Variants in ARHGAP31 observed in about 807,000 individuals in gnomAD.
ARHGAP31 encodes the protein rho GTPase-activating protein 31.
A neutral mutation model predicts 113.9 loss-of-function variants in ARHGAP31; 34 were observed. That is an observed-to-expected ratio of 0.30 (90% confidence interval 0.23 to 0.40). The LOEUF (loss-of-function observed/expected upper bound fraction) is 0.40. ARHGAP31 is among the 10% of genes least tolerant of loss of function. The pLI, the probability that ARHGAP31 is intolerant of heterozygous loss-of-function variation, is 1.00. For synonymous variants in ARHGAP31, 650 were observed against 684.8 expected (o/e 0.95, Z 0.79); for missense variants, 1,548 against 1,767.1 (o/e 0.88, Z 2.22).
chr3:119,402,353 G>C lies in ARHGAP31; in HGVS notation c.1601G>C (p.Gly534Ala), dbSNP rs779187665. The change falls in exon 10 of 12, where the codon GGC (glycine) becomes GCC (alanine). Residue 534 changes from glycine (G) to alanine (A), a missense_variant. Physicochemically the swap from Gly to Ala is moderately conservative, Grantham distance 60. Transcript: ENST00000264245. ...TCTTTTCATGGATCAGAGAGCGGAG[G>C]CTGGCCAGAAGAAGAGAAACCGCTG... ...EFSFHGSESG[G>A]WPEEEKPLGA... The C allele has an allele frequency of 5.0e-6, 8 of 1,613,656 alleles. No homozygotes were observed. Among genetic ancestry groups the C allele is most frequent in the Non-Finnish European group, 6.8e-6 (8 of 1,180,056 alleles).
At chr3:119,325,572 T>C (rs2079833297) in intron 1 of ARHGAP31, among the ~76,000 whole-genome samples, 1 of 145,854 alleles carries the variant, frequency 6.9e-6, no homozygotes, top group African/African-American at 2.6e-5. Flanking sequence ...CCAGAGCCTT[T>C]GAACCAGGGG....
chr3:119,410,390 A>T (rs767244477), intron 11 of ARHGAP31, among the ~76,000 whole-genome samples: 7 of 152,170 alleles, frequency 4.6e-5, no homozygotes, highest in Non-Finnish European at 8.8e-5. Flanking sequence ...GGAGTCCTGC[A>T]TTTGAGAGGC....
Position 119,414,324 on chromosome 3 carries a change from C to G in ARHGAP31, c.2395C>G (p.Leu799Val). The change falls in exon 12 of 12, where the codon CTT (leucine) becomes GTT (valine). Residue 799 changes from leucine to valine, a missense_variant. Coordinates refer to ENST00000264245, the MANE Select transcript of ARHGAP31 (RefSeq NM_020754.4). ...TCTGGAGGAGTCAACTCCAGTCCTG[C>G]TTTCAAAGGGCGGCCCGGAAAGAGA... ...TPLEESTPVL[L>V]SKGGPEREDS... 6.2e-7 allele frequency: 1 copy of G among 1,614,198 alleles called. No homozygotes were observed. Among genetic ancestry groups the G allele is most frequent in the Non-Finnish European group, 8.5e-7 (1 of 1,180,040 alleles).
At chr3:119,404,183 C>T (rs1047210064) in intron 10 of ARHGAP31, among the ~76,000 whole-genome samples, 2 of 152,110 alleles carry the variant, frequency 1.3e-5, no homozygotes, top group Non-Finnish European at 2.9e-5. Context: ...AACAGTGTTT[C>T]CAAAGGCTTT....
At chr3:119,400,074 C>G (rs548385584) in intron 9 of ARHGAP31, among the ~76,000 whole-genome samples, 3 of 152,286 alleles carry the variant, frequency 2.0e-5, no homozygotes, top group African/African-American at 7.2e-5. Flanking sequence ...AGACATTTTT[C>G]TCTTTCAAAA....
At chr3:119,377,015 C>T (rs2064563617) in intron 3 of ARHGAP31, among the ~76,000 whole-genome samples, 1 of 152,224 alleles carries the variant, frequency 6.6e-6, no homozygotes, top group Non-Finnish European at 1.5e-5. Context: ...TGGTGTTCAT[C>T]ACTATGGGTA....
rs911035402 is a variant in ARHGAP31 at position 119,417,065 on chromosome 3, G to A, written c.*801G>A. ...CTACGCAGGGTGGAGGCTGGGCTGA[G>A]GATTACCATAATGAAATGTACTAAA... On this transcript the variant is annotated 3_prime_UTR_variant, in exon 12 of 12. Coordinates refer to ENST00000264245, the MANE Select transcript of ARHGAP31 (RefSeq NM_020754.4). The A allele has an allele frequency of 6.6e-6, 1 of 152,302 alleles. No individual in the cohort carries two copies. Among genetic ancestry groups the A allele is most frequent in the African/African-American group, 2.4e-5 (1 of 41,446 alleles). The allele number at this position is 152,302 out of a possible 1,614,324, so 9.4% of individuals were successfully genotyped here. A position where few individuals can be genotyped will look rare whatever the true frequency, so the allele number is the denominator to read the frequency against.
At chr3:119,369,960 AAAAG>A (rs2080283123) in intron 3 of ARHGAP31, among the ~76,000 whole-genome samples, 1 of 152,120 alleles carries the variant, frequency 6.6e-6, no homozygotes, top group Non-Finnish European at 1.5e-5. Flanking sequence ...ATTTAAAAAA[AAAAG>A]AAAAGAAAGA....
Position 119,295,131 on chromosome 3 carries a change from C to CT in ARHGAP31, c.100+135dup, listed in dbSNP as rs779786586. The stretch of plus-strand genomic sequence containing the variant: ...ATTCCAGGCCTGTGCGCTCATTGCA[C>CT]TTTTTTTTCTTTTTTTTTTTTAAAG... On this transcript the variant is annotated intron_variant, in intron 1 of 11. Transcript: ENST00000264245. 2.4e-3 allele frequency: 1,870 copies of CT among 767,670 alleles called. 3 individuals are homozygous for CT. Among genetic ancestry groups the CT allele is most frequent in the Non-Finnish European group, 3.6e-3 (1,733 of 475,784 alleles). The allele number at this position is 767,670 out of a possible 1,614,324, so 47.6% of individuals were successfully genotyped here.
chr3:119,412,398 A>AAC (rs1321135737), intron 11 of ARHGAP31, among the ~76,000 whole-genome samples: 2 of 146,128 alleles, frequency 1.4e-5, no homozygotes, highest in Non-Finnish European at 3.0e-5. Context: ...TCTCAAAAAA[A>AAC]AAAAAAGAAA....
intron 6 of ARHGAP31, among the ~76,000 whole-genome samples, chr3:119,385,420 G>T (rs1268516348): frequency 1.3e-5 from 2 of 152,074 alleles, no homozygotes; most frequent in Non-Finnish European, 2.9e-5. Flanking sequence ...TCACATACAC[G>T]TTTTTGTTTG....
chr3:119,409,828 G>C (rs747621795), intron 11 of ARHGAP31, 52 bp downstream of exon 11: 12 of 1,520,922 alleles, frequency 7.9e-6, no homozygotes, highest in Non-Finnish European at 1.8e-6. Flanking sequence ...TTTTTCCCAA[G>C]GGCTCTTGGT....
At chr3:119,376,892 C>T (rs2080353726) in intron 3 of ARHGAP31, among the ~76,000 whole-genome samples, 1 of 152,166 alleles carries the variant, frequency 6.6e-6, no homozygotes, top group Admixed American at 6.5e-5. Context: ...CAGGGACTCT[C>T]CCTGTTTCAA....
Position 119,344,903 on chromosome 3 carries a change from G to T in ARHGAP31, c.101-20413G>T, listed in dbSNP as rs139090939. Among the ~76,000 whole-genome samples, 992 of 152,064 alleles carry T rather than the reference G, an allele frequency of 6.5e-3. 10 individuals carry two copies. The highest frequency in any genetic ancestry group is 0.022 in the African/African-American group (929 of 41,482). On this transcript the variant is annotated intron_variant, in intron 1 of 11. Transcript: ENST00000264245. Reference sequence around the variant, plus strand: ...CAACCATAGTTTTTTTACCCGAATTGAGATGTGTTTTGTTTATTTTTATTT... The same window carrying T: ...CAACCATAGTTTTTTTACCCGAATTTAGATGTGTTTTGTTTATTTTTATTT...
rs551662789 is a variant in ARHGAP31 at position 119,294,730 on chromosome 3, C to G, written c.-175C>G. The G allele has an allele frequency of 6.1e-6, 4 of 660,740 alleles. No homozygotes were observed. Among genetic ancestry groups the G allele is most frequent in the Non-Finnish European group, 1.1e-5 (4 of 372,206 alleles). 40.9% of individuals were successfully genotyped at this position (660,740 alleles called of 1,614,324 possible). ...GCGCGGGGTGGATCTCAGGCTCTGC[C>G]GGCCCGCGGCCCGCGGGGTCCATGC... is the stretch of plus-strand genomic sequence containing the variant. On this transcript the variant is annotated 5_prime_UTR_variant, in exon 1 of 12. Transcript: ENST00000264245.
chr3:119,384,185 A>G (rs73857021), intron 6 of ARHGAP31, among the ~76,000 whole-genome samples: 4,545 of 152,312 alleles, frequency 0.03, 197 homozygotes, highest in African/African-American at 0.096. Flanking sequence ...TGCAATTAGT[A>G]TCAAATTTTG....
chr3:119,420,206 G>T lies in ARHGAP31; in HGVS notation c.*3942G>T, dbSNP rs2080809573. 1 of 152,198 alleles carries T rather than the reference G, an allele frequency of 6.6e-6. No homozygotes were observed. The highest frequency in any genetic ancestry group is 1.5e-5 in the Non-Finnish European group (1 of 68,048). 9.4% of individuals were successfully genotyped at this position (152,198 alleles called of 1,614,324 possible). ...GTTCTCAGTAAGTCCAGTCCCACCAGGATTTATTTGGGCCACATTCTACCA... is the reference window on the plus strand; with the variant it reads ...GTTCTCAGTAAGTCCAGTCCCACCATGATTTATTTGGGCCACATTCTACCA... On this transcript the variant is annotated 3_prime_UTR_variant, in exon 12 of 12. Coordinates refer to ENST00000264245, the MANE Select transcript of ARHGAP31 (RefSeq NM_020754.4).
intron 6 of ARHGAP31, 82 bp downstream of exon 6, chr3:119,383,308 G>A (rs1319687106): frequency 3.2e-6 from 5 of 1,566,784 alleles, no homozygotes; most frequent in South Asian, 1.1e-5. Flanking sequence ...GAAAGTGAGG[G>A]TGGGCTTAGT....
chr3:119,345,691 T>C (rs1319439439), intron 1 of ARHGAP31, among the ~76,000 whole-genome samples: 7 of 152,098 alleles, frequency 4.6e-5, no homozygotes, highest in African/African-American at 7.2e-5. Context: ...GAAGCCTTTA[T>C]GGAGAGGGTA....
Sources: gnomAD v4.1 joint callset for allele counts (sites outside exome capture counted in the v4.1 genomes callset) on GRCh38, gnomAD v4.1.1 for gene constraint, MANE v1.5 for transcripts, NCBI Gene and HGNC (gene_info 2026-07-23, HGNC 2026-07-21) for gene names.